ASTN2: variants seen among roughly 807,000 people sequenced by gnomAD.
ASTN2 encodes astrotactin 2.
Under a neutral mutation model 139.8 loss-of-function variants are expected in ASTN2, and 54 were observed. The ratio of observed to expected loss-of-function variants is 0.39; its 90% CI spans 0.31 to 0.48. The LOEUF (loss-of-function observed/expected upper bound fraction) is 0.48, where lower values mean the gene tolerates loss of function less well. Ranked by LOEUF, ASTN2 falls within the 20% of genes least tolerant of loss-of-function variation. The pLI, the probability that ASTN2 is intolerant of heterozygous loss-of-function variation, is 0.95. For synonymous variants in ASTN2, 756 were observed against 719.5 expected, an observed-to-expected ratio of 1.05 and a Z score of -0.81; for missense variants, 1,565 against 1,725.1, an observed-to-expected ratio of 0.91 and a Z score of 1.64.
chr9:116,478,032 A>G (rs1437341601), intron 20 of ASTN2, among the ~76,000 whole-genome samples: 2 of 151,164 alleles, frequency 1.3e-5, no homozygotes, highest in East Asian at 3.9e-4. Flanking sequence ...ACAGTTAAAA[A>G]AAGAACAAAA....
At chr9:116,794,173 C>T (rs1394567583) in intron 13 of ASTN2, among the ~76,000 whole-genome samples, 1 of 148,592 alleles carries the variant, frequency 6.7e-6, no homozygotes, top group Non-Finnish European at 1.5e-5. Context: ...TCTCGGTTCA[C>T]CAAAACCTCC....
At chr9:116,556,466 C>T (rs1305546148) in intron 19 of ASTN2, among the ~76,000 whole-genome samples, 1 of 152,004 alleles carries the variant, frequency 6.6e-6, no homozygotes, top group African/African-American at 2.4e-5. Flanking sequence ...CTTAATTTTT[C>T]GTAAATAATT....
chr9:117,383,201 A>G (rs1830315198), intron 1 of ASTN2, among the ~76,000 whole-genome samples: 1 of 152,178 alleles, frequency 6.6e-6, no homozygotes, highest in Admixed American at 6.5e-5. Context: ...AAATGTAAAC[A>G]CCATTCTTTG....
intron 5 of ASTN2, among the ~76,000 whole-genome samples, chr9:117,090,421 C>G (rs1202900479): frequency 6.6e-6 from 1 of 152,112 alleles, no homozygotes; most frequent in East Asian, 1.9e-4. Flanking sequence ...GAAGTTCTAC[C>G]TGGAAATACC....
intron 5 of ASTN2, among the ~76,000 whole-genome samples, chr9:117,054,713 G>T (rs1258060877): frequency 6.6e-6 from 1 of 152,162 alleles, no homozygotes; most frequent in East Asian, 1.9e-4. Flanking sequence ...TGCAGTGTGG[G>T]CAGAAGAAGC....
intron 2 of ASTN2, among the ~76,000 whole-genome samples, chr9:117,265,986 T>C (rs921988292): frequency 6.6e-6 from 1 of 152,146 alleles, no homozygotes; most frequent in Admixed American, 6.6e-5. Context: ...TAAAAGGCCA[T>C]CTCTTCCATA....
At chr9:116,951,337 CAAAAAA>C (rs386416039) in intron 10 of ASTN2, among the ~76,000 whole-genome samples, 4 of 34,060 alleles carry the variant, frequency 1.2e-4, no homozygotes, top group Non-Finnish European at 1.8e-4. Context: ...AACTCTGTCT[CAAAAAA>C]AAAAAAAAAA....
chr9:116,634,932 G>C (rs937795703), intron 17 of ASTN2, among the ~76,000 whole-genome samples: 4 of 151,676 alleles, frequency 2.6e-5, no homozygotes, highest in African/African-American at 9.7e-5. Context: ...AGGATTGGGG[G>C]AGAAAAAGAG....
chr9:116,957,049 A>ATTTT (rs527429954), intron 10 of ASTN2, among the ~76,000 whole-genome samples: 13,022 of 141,656 alleles, frequency 0.092, 793 homozygotes, highest in Non-Finnish European at 0.13. Flanking sequence ...TTCCCAGTTA[A>ATTTT]TTTTTTTTTT....
At position 116,556,607 on chromosome 9, in the gene ASTN2, T is replaced by TAG. The variant is rs764915848; in HGVS notation, c.3355+61715_3355+61716dup. Among the ~76,000 whole-genome samples the TAG allele has an allele frequency of 6.6e-5, 10 of 152,248 alleles. No individual in the cohort carries two copies. The South Asian group carries it at 1.2e-3, about 19-fold the overall frequency. On this transcript the variant is annotated intron_variant, in intron 19 of 22. Transcript: ENST00000313400. ...GTTGGAACAAACAGTTCTGCTGAAA[T>TAG]AGAGAGAGAGAAAGTGAAAAGAGGT...
At position 116,589,923 on chromosome 9, in the gene ASTN2, C is replaced by T. The variant is rs141131823; in HGVS notation, c.3355+28401G>A. 2.5e-3 allele frequency among the ~76,000 whole-genome samples: 383 copies of T among 152,290 alleles called. 1 individual carries two copies. The highest frequency in any genetic ancestry group is 8.7e-3 in the African/African-American group (363 of 41,566). ...TCAGAACCTTCCACCCATTTATTCCCAGGAGTTCCTAGATTTATAATCAAA... is the reference window on the plus strand; with the variant it reads ...TCAGAACCTTCCACCCATTTATTCCTAGGAGTTCCTAGATTTATAATCAAA... On this transcript the variant is annotated intron_variant, in intron 19 of 22. Coordinates refer to ENST00000313400, the MANE Select transcript of ASTN2 (RefSeq NM_001365068.1).
At chr9:116,544,408 C>G (rs1403594852) in intron 19 of ASTN2, among the ~76,000 whole-genome samples, 1 of 152,184 alleles carries the variant, frequency 6.6e-6, no homozygotes, top group Non-Finnish European at 1.5e-5. Context: ...TCACAAAGAA[C>G]ACAAGGTGTC....
chr9:117,028,597 T>C (rs1167294919), intron 6 of ASTN2, among the ~76,000 whole-genome samples: 1 of 144,742 alleles, frequency 6.9e-6, no homozygotes, highest in African/African-American at 2.4e-5. Context: ...CTACTTTATT[T>C]TTCATCCAGG....
intron 17 of ASTN2, among the ~76,000 whole-genome samples, chr9:116,623,145 C>G (rs1856251286): frequency 8.8e-6 from 1 of 112,998 alleles, no homozygotes; most frequent in African/African-American, 3.3e-5. Flanking sequence ...AGAGAGCATA[C>G]TCTGTGTGTG....
At chr9:116,627,349 G>A (rs746408904) in intron 17 of ASTN2, among the ~76,000 whole-genome samples, 9 of 152,204 alleles carry the variant, frequency 5.9e-5, no homozygotes, top group East Asian at 3.9e-4. Context: ...TCATTGGCAC[G>A]GATTCTTGGC....
chr9:117,117,856 G>C (rs1829436576), intron 4 of ASTN2, among the ~76,000 whole-genome samples: 1 of 152,138 alleles, frequency 6.6e-6, no homozygotes, highest in Non-Finnish European at 1.5e-5. Flanking sequence ...TTCAGACATG[G>C]CACTCATTCC....
chr9:116,905,252 T>C (rs1185950884), intron 10 of ASTN2, among the ~76,000 whole-genome samples: 2 of 152,166 alleles, frequency 1.3e-5, no homozygotes, highest in East Asian at 1.9e-4. Context: ...CAACCTATTG[T>C]ATGCTGCCAG....
intron 19 of ASTN2, chr9:116,583,336 A>G (rs1854024624): frequency 6.6e-6 from 1 of 152,220 alleles, no homozygotes; most frequent in Admixed American, 6.5e-5. Flanking sequence ...ACACACTACT[A>G]TGGAATGCCA....
chr9:116,690,015 A>T (rs1860487137), intron 16 of ASTN2, among the ~76,000 whole-genome samples: 1 of 152,194 alleles, frequency 6.6e-6, no homozygotes, highest in Non-Finnish European at 1.5e-5. Context: ...GACTAGCTAC[A>T]GGGTTGCTGA....
Sources: allele counts gnomAD v4.1 joint callset (sites outside exome capture counted in the v4.1 genomes callset), GRCh38; gene constraint gnomAD v4.1.1; transcripts MANE v1.5; gene names NCBI Gene and HGNC (gene_info 2026-07-23, HGNC 2026-07-21).